GNB5: variants seen among roughly 807,000 people sequenced by gnomAD.
GNB5 encodes the protein guanine nucleotide-binding protein subunit beta-5.
A neutral mutation model predicts 55.3 loss-of-function variants in GNB5; 37 were observed. That is an observed-to-expected ratio of 0.67 (90% CI 0.51 to 0.88). The LOEUF is 0.88. GNB5 is among the 40% of genes least tolerant of loss of function. The pLI is 0.00. For synonymous variants in GNB5, 219 were observed against 198.5 expected, an observed-to-expected ratio of 1.10 and a Z score of -0.87; for missense variants, 476 against 515.3, an observed-to-expected ratio of 0.92 and a Z score of 0.74.
At chr15:52,130,681 T>A (rs1052556111) in intron 9 of GNB5, among the ~76,000 whole-genome samples, 1 of 152,194 alleles carries the variant, frequency 6.6e-6, no homozygotes, top group Non-Finnish European at 1.5e-5. Flanking sequence ...GTGGTCTCCC[T>A]CACACAGGAG....
intron 3 of GNB5, among the ~76,000 whole-genome samples, chr15:52,177,172 T>G (rs968021512): frequency 2.6e-5 from 4 of 151,428 alleles, no homozygotes; most frequent in Admixed American, 6.6e-5. Context: ...GTAGCTGAGA[T>G]TACAGGCACC....
At chr15:52,154,234 C>A (rs2034161246) in intron 3 of GNB5, among the ~76,000 whole-genome samples, 158 bp from the exon 4 acceptor site, 1 of 152,208 alleles carries the variant, frequency 6.6e-6, no homozygotes, top group African/African-American at 2.4e-5. Context: ...ACCATTGCAT[C>A]CTAGCAGCAC....
intron 3 of GNB5, among the ~76,000 whole-genome samples, chr15:52,175,221 G>A (rs2034627670): frequency 6.6e-6 from 1 of 152,174 alleles, no homozygotes; most frequent in African/African-American, 2.4e-5. Context: ...ATGCAAAAAT[G>A]TACAGGCATC....
At chr15:52,150,025 T>G in intron 4 of GNB5, 100 bp from the exon 5 acceptor site, 1 of 877,714 alleles carries the variant, frequency 1.1e-6, no homozygotes, top group Admixed American at 1.9e-5. Context: ...CAGTGTGAAG[T>G]AGAAAGCCAG....
intron 3 of GNB5, among the ~76,000 whole-genome samples, chr15:52,163,195 C>T (rs559246919): frequency 6.6e-5 from 10 of 152,316 alleles, no homozygotes; most frequent in East Asian, 1.9e-4. Flanking sequence ...GAGATCACCT[C>T]GTGAGCCCAA....
chr15:52,153,926 C>A lies in GNB5; in HGVS notation c.375+14G>T. ...CAAAACCCGCTCACCTGTTATGCAGCAGGTGTGACATACCTGTGACGAGCT... is the reference window on the plus strand; with the variant it reads ...CAAAACCCGCTCACCTGTTATGCAGAAGGTGTGACATACCTGTGACGAGCT... On this transcript the variant is annotated intron_variant, in intron 4 of 12. Transcript: ENST00000261837. 1 of 1,605,948 alleles carries A rather than the reference C, an allele frequency of 6.2e-7. No individual in the cohort carries two copies. Among genetic ancestry groups the A allele is most frequent in the Non-Finnish European group, 8.5e-7 (1 of 1,173,756 alleles).
chr15:52,163,871 G>C (rs1477580658), intron 3 of GNB5, among the ~76,000 whole-genome samples: 1 of 152,182 alleles, frequency 6.6e-6, no homozygotes, highest in Non-Finnish European at 1.5e-5. Flanking sequence ...GTCTCCAGAG[G>C]AAGGAGCTGG....
At position 52,124,620 on chromosome 15, in the gene GNB5, T is replaced by A. The variant is rs1267194463; in HGVS notation, c.1029A>T (p.Gly343=). ...AGACGTTGATAGTGTAATCATTGTA[T>A]CCAGCAAACAGCAGGCGACCTTGAA... ...FSLSGRLLFA[G]YNDYTINVWD... is the part of the protein sequence containing the mutation. The change falls in exon 12 of 13, where the codon GGA becomes GGT. Residue 343 remains glycine (G), a synonymous_variant. Coordinates refer to ENST00000261837, the MANE Select transcript of GNB5 (RefSeq NM_016194.4). The A allele has an allele frequency of 6.2e-7, 1 of 1,613,846 alleles. No homozygotes were observed. Among genetic ancestry groups the A allele is most frequent in the Non-Finnish European group, 8.5e-7 (1 of 1,179,918 alleles).
chr15:52,162,725 T>C (rs1353853584), intron 3 of GNB5: 3 of 152,072 alleles, frequency 2.0e-5, no homozygotes, highest in Non-Finnish European at 4.4e-5. Flanking sequence ...TAGAATGGGA[T>C]AGGATGGATA....
At position 52,179,841 on chromosome 15, in the gene GNB5, C is replaced by T. The variant is rs770264463; in HGVS notation, c.165G>A (p.Ala55=). The T allele has an allele frequency of 6.4e-7, 1 of 1,554,240 alleles. No homozygotes were observed. The highest frequency in any genetic ancestry group is 8.7e-7 in the Non-Finnish European group (1 of 1,151,546). The change falls in exon 3 of 13, where the codon GCG becomes GCA. Residue 55 remains alanine, a synonymous_variant. Coordinates refer to ENST00000261837, the MANE Select transcript of GNB5 (RefSeq NM_016194.4). ...TEGLHENETL[A]SLKSEAESLK... Reference sequence around the variant, plus strand: ...GGCTCTCGGCCTCGCTCTTCAGCGACGCCAGCGTCTCGTTCTCGTGCAGCC... The same window carrying T: ...GGCTCTCGGCCTCGCTCTTCAGCGATGCCAGCGTCTCGTTCTCGTGCAGCC...
chr15:52,149,543 G>T (rs1408601112), intron 5 of GNB5: 1 of 569,638 alleles, frequency 1.8e-6, no homozygotes, highest in Non-Finnish European at 3.1e-6. Context: ...GAGAGAGAAT[G>T]GAGAATTTTG....
At chr15:52,182,721 T>C (rs2034789758) in intron 2 of GNB5, among the ~76,000 whole-genome samples, 1 of 152,220 alleles carries the variant, frequency 6.6e-6, no homozygotes, top group Non-Finnish European at 1.5e-5. Flanking sequence ...TGTCAGTCAC[T>C]GGATGTCTCT....
intron 3 of GNB5, 29 bp downstream of exon 3, chr15:52,179,739 G>A: frequency 2.4e-6 from 3 of 1,231,748 alleles, no homozygotes; most frequent in Non-Finnish European, 2.2e-6. Flanking sequence ...GGTCCGGCTT[G>A]CCCCGCCCGC....
At chr15:52,139,991 T>G (rs994229430) in intron 7 of GNB5, 1 of 1,252,350 alleles carries the variant, frequency 8.0e-7, no homozygotes. Flanking sequence ...ACATCTCATT[T>G]TGGCCACTGC....
chr15:52,182,977 C>A (rs748152240), intron 2 of GNB5, among the ~76,000 whole-genome samples: 1 of 152,090 alleles, frequency 6.6e-6, no homozygotes, highest in Non-Finnish European at 1.5e-5. Flanking sequence ...CATGGTGAAA[C>A]CCTCTCTCTA....
intron 8 of GNB5, among the ~76,000 whole-genome samples, chr15:52,134,059 G>C (rs902907656): frequency 1.3e-5 from 2 of 152,228 alleles, no homozygotes; most frequent in African/African-American, 4.8e-5. Context: ...TGCTGCCATC[G>C]ACGCGCAGGG....
In GNB5 at chr15:52,155,871, C is replaced by T. The variant is rs75021439; in HGVS notation, c.239-1795G>A. On this transcript the variant is annotated intron_variant, in intron 3 of 12. Transcript: ENST00000261837. ...CCAGGTCTCTCCACTGGAGAGTTAC[C>T]ATTTTATCTTTTGTAATGAAAAGTG... Among the ~76,000 whole-genome samples the T allele has an allele frequency of 2.6e-3, 396 of 152,248 alleles. 2 individuals carry two copies. Among genetic ancestry groups the T allele is most frequent in the African/African-American group, 9.2e-3 (380 of 41,528 alleles).
intron 6 of GNB5, among the ~76,000 whole-genome samples, chr15:52,143,546 T>C (rs2033905367): frequency 6.6e-6 from 1 of 152,178 alleles, no homozygotes; most frequent in South Asian, 2.1e-4. Context: ...GAAATACTTG[T>C]ATATATAACC....
At chr15:52,133,505 T>C (rs368196214) in intron 8 of GNB5, 36 bp from the exon 9 acceptor site, 1 of 1,322,818 alleles carries the variant, frequency 7.6e-7, no homozygotes, top group African/African-American at 1.4e-5. Context: ...ATGGCCACTT[T>C]AAGGAATGTC....
Sources: gnomAD v4.1 joint callset for allele counts (sites outside exome capture counted in the v4.1 genomes callset) on GRCh38, gnomAD v4.1.1 for gene constraint, MANE v1.5 for transcripts, NCBI Gene and HGNC (gene_info 2026-07-23, HGNC 2026-07-21) for gene names.